STX8: variants seen among roughly 807,000 people sequenced by gnomAD.
STX8 encodes the protein syntaxin 8, also known as syntaxin-8.
Under a neutral mutation model 37.5 loss-of-function variants are expected in STX8, and 23 were observed. That is an observed-to-expected ratio of 0.61 (90% confidence interval 0.44 to 0.87). The LOEUF is 0.87. Among genes scored for constraint, STX8 ranks in the 40% least tolerant of loss-of-function variants. The pLI is 0.00. For synonymous variants in STX8, 115 were observed against 99.1 expected (o/e 1.16, Z -0.95); for missense variants, 313 against 284.7 (o/e 1.10, Z -0.71).
At chr17:9,347,115 G>A (rs529585280) in intron 7 of STX8, among the ~76,000 whole-genome samples, 102 of 148,938 alleles carry the variant, frequency 6.8e-4, no homozygotes, top group African/African-American at 2.5e-3. Context: ...GGCAACAAGA[G>A]AGAAACTCCA....
intron 6 of STX8, among the ~76,000 whole-genome samples, chr17:9,454,588 G>A (rs1805580660): frequency 1.3e-5 from 2 of 151,460 alleles, no homozygotes; most frequent in African/African-American, 4.9e-5. Flanking sequence ...GCTGAGGCAG[G>A]AGAATGGCGC....
intron 6 of STX8, among the ~76,000 whole-genome samples, chr17:9,448,146 G>A (rs1437196664): frequency 6.9e-6 from 1 of 145,628 alleles, no homozygotes; most frequent in Non-Finnish European, 1.5e-5. Flanking sequence ...TTGCACTCCA[G>A]CCTGGGCAAC....
intron 7 of STX8, among the ~76,000 whole-genome samples, chr17:9,356,960 G>GA (rs1262906790): frequency 1.6e-5 from 1 of 61,752 alleles, no homozygotes; most frequent in Non-Finnish European, 2.9e-5. Flanking sequence ...CCTTTTAACA[G>GA]TTTTTTTTTT....
At chr17:9,315,172 A>C (rs1358195533) in intron 7 of STX8, among the ~76,000 whole-genome samples, 2 of 151,904 alleles carry the variant, frequency 1.3e-5, no homozygotes, top group African/African-American at 4.8e-5. Flanking sequence ...CAAAAACAAA[A>C]AACAAAAAAA....
At position 9,256,809 on chromosome 17, in the gene STX8, G is replaced by A. The variant is rs557952469; in HGVS notation, c.644-6164C>T. Among the ~76,000 whole-genome samples, 10 of 152,274 alleles carry A rather than the reference G, an allele frequency of 6.6e-5. No individual in the cohort carries two copies. The East Asian group carries it at 1.7e-3, about 26-fold the overall frequency. ...GGACATGGGACCTCACATCGTACTC[G>A]GTCACGTGTGAAAAGCAGAACTTCC... On this transcript the variant is annotated intron_variant, in intron 7 of 7. Transcript: ENST00000306357.
At chr17:9,408,169 T>C (rs966559630) in intron 6 of STX8, among the ~76,000 whole-genome samples, 1 of 152,160 alleles carries the variant, frequency 6.6e-6, no homozygotes, top group Non-Finnish European at 1.5e-5. Flanking sequence ...CCAGACCCCT[T>C]ATATAGGAAT....
At chr17:9,427,405 A>T (rs1913675913) in intron 6 of STX8, among the ~76,000 whole-genome samples, 1 of 152,212 alleles carries the variant, frequency 6.6e-6, no homozygotes. Context: ...TTGAAGGAGC[A>T]GGACAAAAAT....
intron 6 of STX8, among the ~76,000 whole-genome samples, chr17:9,435,109 A>T (rs1381655306): frequency 6.6e-6 from 1 of 152,102 alleles, no homozygotes; most frequent in African/African-American, 2.4e-5. Context: ...CTGATCTCCT[A>T]CCTCATAACC....
intron 6 of STX8, among the ~76,000 whole-genome samples, chr17:9,427,571 ATAAT>A (rs1404411319): frequency 6.6e-6 from 1 of 152,210 alleles, no homozygotes; most frequent in Non-Finnish European, 1.5e-5. Flanking sequence ...AACCAAAAGA[ATAAT>A]TAATACCTAG....
At chr17:9,457,228 G>A (rs957844395) in intron 6 of STX8, among the ~76,000 whole-genome samples, 2 of 152,132 alleles carry the variant, frequency 1.3e-5, no homozygotes, top group East Asian at 1.9e-4. Flanking sequence ...TAGGTCCAGA[G>A]GTCAGATGTC....
intron 7 of STX8, among the ~76,000 whole-genome samples, chr17:9,290,008 G>A (rs1908259776): frequency 1.3e-5 from 2 of 152,088 alleles, no homozygotes; most frequent in Non-Finnish European, 1.5e-5. Context: ...GTGTGTGGGC[G>A]GACAATGAAA....
intron 6 of STX8, among the ~76,000 whole-genome samples, chr17:9,490,099 G>T (rs1157491491): frequency 6.6e-6 from 1 of 152,202 alleles, no homozygotes; most frequent in African/African-American, 2.4e-5. Flanking sequence ...ATCAGGGAAA[G>T]AACTAAGTTG....
intron 6 of STX8, among the ~76,000 whole-genome samples, chr17:9,394,831 G>A (rs951618501): frequency 6.6e-6 from 1 of 151,532 alleles, no homozygotes; most frequent in African/African-American, 2.4e-5. Context: ...ACTTTGGGAG[G>A]CCGAGGCAGG....
At chr17:9,420,889 C>T (rs1026748495) in intron 6 of STX8, among the ~76,000 whole-genome samples, 3 of 152,148 alleles carry the variant, frequency 2.0e-5, no homozygotes, top group Non-Finnish European at 4.4e-5. Flanking sequence ...TCATAGGCAA[C>T]ATTTACGTGC....
intron 6 of STX8, among the ~76,000 whole-genome samples, chr17:9,416,969 C>T (rs1004646005): frequency 6.6e-6 from 1 of 152,094 alleles, no homozygotes; most frequent in African/African-American, 2.4e-5. Flanking sequence ...CTGCCTTGAC[C>T]CAGACCTGTG....
chr17:9,307,248 C>A (rs537536788), intron 7 of STX8, among the ~76,000 whole-genome samples: 2 of 152,210 alleles, frequency 1.3e-5, no homozygotes, highest in African/African-American at 4.8e-5. Context: ...CCATCCCCCC[C>A]ACCAAAACAA....
intron 6 of STX8, among the ~76,000 whole-genome samples, chr17:9,437,363 C>G (rs1268113930): frequency 6.6e-6 from 1 of 152,148 alleles, no homozygotes; most frequent in African/African-American, 2.4e-5. Context: ...TGACTTGCAG[C>G]TGGAAGATCC....
At chr17:9,531,849 A>G (rs1179733578) in intron 4 of STX8, among the ~76,000 whole-genome samples, 1 of 151,854 alleles carries the variant, frequency 6.6e-6, no homozygotes, top group Non-Finnish European at 1.5e-5. Context: ...CTATGACAGC[A>G]GCCTTAAAAT....
chr17:9,544,861 G>A (rs7226142), intron 4 of STX8, among the ~76,000 whole-genome samples: 86,212 of 151,838 alleles, frequency 0.57, 26,524 homozygotes, highest in East Asian at 0.83. Context: ...GCACGGTGGC[G>A]GTGGGCGCCT....
Sources: allele counts gnomAD v4.1 joint callset (sites outside exome capture counted in the v4.1 genomes callset), GRCh38; gene constraint gnomAD v4.1.1; transcripts MANE v1.5; gene names NCBI Gene and HGNC (gene_info 2026-07-23, HGNC 2026-07-21).